SHANK2: variants seen among roughly 807,000 people sequenced by gnomAD.
SHANK2 encodes SH3 and multiple ankyrin repeat domains 2, also known as SH3 and multiple ankyrin repeat domains protein 2.
SHANK2 carries 43 observed loss-of-function variants against 133.7 expected under a neutral mutation model. The ratio of observed to expected loss-of-function variants is 0.32; its 90% confidence interval spans 0.25 to 0.41. The LOEUF (loss-of-function observed/expected upper bound fraction) is 0.41, where lower values mean the gene tolerates loss of function less well. SHANK2 is among the 10% of genes least tolerant of loss of function. SHANK2 has a pLI of 1.00. For missense variants in SHANK2, 1,994 were observed against 2,235.8 expected (o/e 0.89, Z 2.18); for synonymous variants, 1,017 against 952.8 (o/e 1.07, Z -1.24).
chr11:70,683,726 C>T (rs1310869712), intron 15 of SHANK2, among the ~76,000 whole-genome samples: 5 of 152,094 alleles, frequency 3.3e-5, no homozygotes, highest in African/African-American at 1.2e-4. Flanking sequence ...GGGTCAATCT[C>T]TCTAATCTCT....
chr11:70,824,722 C>G (rs552933033), intron 11 of SHANK2, among the ~76,000 whole-genome samples: 171 of 152,288 alleles, frequency 1.1e-3, no homozygotes, highest in Non-Finnish European at 2.0e-3. Context: ...CCTTGTAGAT[C>G]ACTGAGTGTT....
At chr11:70,498,676 G>A (rs961927220) in intron 21 of SHANK2, among the ~76,000 whole-genome samples, 22 of 152,320 alleles carry the variant, frequency 1.4e-4, no homozygotes, top group African/African-American at 4.8e-4. Flanking sequence ...TAAAGCCAGC[G>A]GGGACAGACC....
intron 10 of SHANK2, among the ~76,000 whole-genome samples, chr11:70,946,871 C>A (rs1459505007): frequency 7.4e-4 from 110 of 148,312 alleles, no homozygotes; most frequent in Non-Finnish European, 1.0e-3. Context: ...CACTAACTAA[C>A]CCTTCCCAGG....
intron 15 of SHANK2, among the ~76,000 whole-genome samples, chr11:70,669,805 C>T (rs80009507): frequency 0.011 from 1,652 of 152,190 alleles, 30 homozygotes; most frequent in African/African-American, 0.037. Flanking sequence ...TAGAACCACT[C>T]GGAGGGCAGG....
intron 3 of SHANK2, among the ~76,000 whole-genome samples, chr11:71,135,735 C>T (rs1220714038): frequency 3.3e-5 from 5 of 152,248 alleles, no homozygotes; most frequent in East Asian, 1.9e-4. Flanking sequence ...GGATTACAGG[C>T]ATGAGCCACC....
At chr11:70,871,738 C>A (rs1196837153) in intron 11 of SHANK2, among the ~76,000 whole-genome samples, 5 of 152,152 alleles carry the variant, frequency 3.3e-5, no homozygotes, top group African/African-American at 1.2e-4. Context: ...GGTTTTACAG[C>A]AAACTGTGGC....
intron 17 of SHANK2, among the ~76,000 whole-genome samples, chr11:70,545,435 G>A (rs1289795252): frequency 1.3e-5 from 2 of 152,134 alleles, no homozygotes; most frequent in Non-Finnish European, 2.9e-5. Flanking sequence ...GGGAGGCCCC[G>A]AGCCACCGCA....
intron 3 of SHANK2, among the ~76,000 whole-genome samples, chr11:71,131,741 G>A (rs1952311354): frequency 6.6e-6 from 1 of 152,064 alleles, no homozygotes; most frequent in Non-Finnish European, 1.5e-5. Context: ...TTGAAGTGAA[G>A]TAAGTCAGCC....
Position 70,486,795 on chromosome 11 carries a change from C to G in SHANK2, c.3498G>C (p.Pro1166=). 2 of 1,612,174 alleles carry G rather than the reference C, an allele frequency of 1.2e-6. No homozygotes were observed. Among genetic ancestry groups the G allele is most frequent in the Non-Finnish European group, 1.7e-6 (2 of 1,179,936 alleles). ...AATTCAGCGGCCTCCCAGCCTCACC[C>G]GGAGCACTGGCCTCGGCGCCACCCA... is the stretch of plus-strand genomic sequence containing the variant. ...HFVGGAEASA[P]GEAGRPLNST... Residue 1166 remains proline, a synonymous_variant, in exon 25 of 26, where the codon CCG becomes CCC. Coordinates refer to ENST00000601538, the MANE Select transcript of SHANK2 (RefSeq NM_012309.5). The surrounding 1 kb of genome is among the most constrained non-coding windows in gnomAD (Gnocchi z 8.0).
chr11:71,141,895 G>A (rs367978295), intron 3 of SHANK2, among the ~76,000 whole-genome samples: 46 of 152,092 alleles, frequency 3.0e-4, no homozygotes, highest in African/African-American at 1.1e-3. Flanking sequence ...TGTCAGGGAA[G>A]CCACAGGGAC....
At chr11:71,130,566 T>C (rs1374911003) in intron 3 of SHANK2, among the ~76,000 whole-genome samples, 1 of 151,936 alleles carries the variant, frequency 6.6e-6, no homozygotes, top group Non-Finnish European at 1.5e-5. Context: ...ATAAAATAGG[T>C]CTTATTGCCA....
At chr11:71,062,165 A>AG (rs1185692510) in intron 9 of SHANK2, among the ~76,000 whole-genome samples, 14 of 152,014 alleles carry the variant, frequency 9.2e-5, no homozygotes, top group Non-Finnish European at 1.0e-4. Context: ...CATGTTGCCC[A>AG]GGCTGGTCTC....
intron 2 of SHANK2, among the ~76,000 whole-genome samples, chr11:71,204,721 A>G (rs1555117731): frequency 6.6e-6 from 1 of 152,170 alleles, no homozygotes; most frequent in Admixed American, 6.5e-5. Context: ...AGAGACACAG[A>G]AAACAAGACC....
At chr11:70,839,363 C>T (rs1399282458) in intron 11 of SHANK2, among the ~76,000 whole-genome samples, 2 of 152,208 alleles carry the variant, frequency 1.3e-5, no homozygotes, top group Non-Finnish European at 2.9e-5. Flanking sequence ...CCCTCCCCAC[C>T]CCACTCCACA....
intron 17 of SHANK2, among the ~76,000 whole-genome samples, chr11:70,638,198 C>T (rs566132552): frequency 3.3e-5 from 5 of 152,292 alleles, no homozygotes; most frequent in South Asian, 2.1e-4. Flanking sequence ...CTACAGAGTC[C>T]GGGGGGAACA....
chr11:70,854,831 G>T (rs1555066516), intron 11 of SHANK2, among the ~76,000 whole-genome samples: 1 of 152,240 alleles, frequency 6.6e-6, no homozygotes, highest in African/African-American at 2.4e-5. Context: ...TGGGGTCCTG[G>T]ACAAGCCCTC....
intron 6 of SHANK2, among the ~76,000 whole-genome samples, chr11:71,097,412 C>G (rs1254282515): frequency 1.3e-5 from 2 of 152,330 alleles, no homozygotes; most frequent in East Asian, 3.9e-4. Context: ...ACACAGTTAT[C>G]TGGCACCATG....
chr11:70,502,990 C>T, intron 17 of SHANK2, 59 bp from the exon 18 acceptor site: 1 of 1,596,438 alleles, frequency 6.3e-7, no homozygotes, highest in Non-Finnish European at 8.6e-7. Flanking sequence ...AGACAGTTGG[C>T]ACCCACCCAA....
chr11:70,939,514 C>A (rs1464326480), intron 10 of SHANK2, among the ~76,000 whole-genome samples: 1 of 151,894 alleles, frequency 6.6e-6, no homozygotes, highest in Non-Finnish European at 1.5e-5. Flanking sequence ...TAATAATTTC[C>A]AAAAAAGAGG....
Sources: gnomAD v4.1 joint callset for allele counts (sites outside exome capture counted in the v4.1 genomes callset) on GRCh38, gnomAD v4.1.1 for gene constraint, Gnocchi (gnomAD v3.1) non-coding constraint, MANE v1.5 for transcripts, NCBI Gene and HGNC (gene_info 2026-07-23, HGNC 2026-07-21) for gene names.